The following DIS3L2 variants were observed in gnomAD, a reference collection of about 807,000 sequenced individuals.
The protein encoded by DIS3L2 is DIS3 like 3'-5' exoribonuclease 2, also known as DIS3-like exonuclease 2.
Under a neutral mutation model 97.5 loss-of-function variants are expected in DIS3L2, and 34 were observed. That is an observed-to-expected ratio of 0.35 (90% CI 0.27 to 0.46). DIS3L2 has a LOEUF of 0.46. DIS3L2 is among the 20% of genes least tolerant of loss of function. DIS3L2 has a pLI of 1.00. For synonymous variants in DIS3L2, 435 were observed against 445.2 expected (o/e 0.98, Z 0.29); for missense variants, 1,038 against 1,146.0 (o/e 0.91, Z 1.36).
chr2:231,975,699 C>T (rs191769523), intron 1 of DIS3L2, among the ~76,000 whole-genome samples: 222 of 110,968 alleles, frequency 2.0e-3, no homozygotes, highest in African/African-American at 7.5e-3. Context: ...AGCGAGACTC[C>T]GCCTCAAAAA....
chr2:232,333,757 G>GT, intron 16 of DIS3L2, 83 bp from the exon 17 acceptor site: 37 of 1,393,466 alleles, frequency 2.7e-5, no homozygotes, highest in Admixed American at 1.9e-4. Context: ...GCTGCCGACG[G>GT]TGAGGCTGTG....
intron 5 of DIS3L2, among the ~76,000 whole-genome samples, chr2:232,083,078 G>T (rs528358463): frequency 6.8e-6 from 1 of 146,244 alleles, no homozygotes; most frequent in Non-Finnish European, 1.5e-5. Context: ...ACCCCCCCAT[G>T]ATTCAATTAC....
intron 9 of DIS3L2, among the ~76,000 whole-genome samples, chr2:232,185,643 T>C (rs995881511): frequency 6.6e-6 from 1 of 152,146 alleles, no homozygotes; most frequent in African/African-American, 2.4e-5. Flanking sequence ...GAGACCTGCC[T>C]GACCAACATG....
chr2:231,961,978 C>T (rs1692570125), intron 1 of DIS3L2, among the ~76,000 whole-genome samples: 1 of 152,252 alleles, frequency 6.6e-6, no homozygotes, highest in Admixed American at 6.5e-5. Context: ...GCTCCCCACT[C>T]TCCGCTCCTG....
intron 14 of DIS3L2, 28 bp from the exon 15 acceptor site, chr2:232,329,785 T>TCCCGGGGGGGGGGCCCCCCCC: frequency 3.1e-6 from 3 of 967,144 alleles, no homozygotes; most frequent in Admixed American, 3.4e-5. Context: ...ACCCCAGCGG[T>TCCCGGGGGGGGGGCCCCCCCC]CCCTCCCATC....
In DIS3L2 at chr2:232,201,213, C is replaced by G. The variant is rs113639290; in HGVS notation, c.1125-9113C>G. Among the ~76,000 whole-genome samples the G allele has an allele frequency of 5.9e-3, 902 of 152,344 alleles. 12 individuals are homozygous for G. Among genetic ancestry groups the G allele is most frequent in the Non-Finnish European group, 6.1e-3 (416 of 68,028 alleles). ...TAGCACCTTAACCAAGTAATCCAAC[C>G]TGGCAGCCTAACATTTTGTGCCTTC... On this transcript the variant is annotated intron_variant, in intron 9 of 20. Transcript: ENST00000325385.
chr2:232,062,628 C>T (rs1016973513), intron 5 of DIS3L2, among the ~76,000 whole-genome samples: 3 of 152,126 alleles, frequency 2.0e-5, no homozygotes, highest in Non-Finnish European at 4.4e-5. Flanking sequence ...CTGTAACTTT[C>T]TCTTTGCTAT....
At chr2:231,991,901 G>A (rs748544539) in intron 1 of DIS3L2, among the ~76,000 whole-genome samples, 4 of 152,102 alleles carry the variant, frequency 2.6e-5, no homozygotes, top group African/African-American at 7.2e-5. Flanking sequence ...CAGGAACTGG[G>A]GATACAGTGA....
chr2:232,255,179 G>A (rs1464077756), intron 12 of DIS3L2, among the ~76,000 whole-genome samples: 1 of 152,214 alleles, frequency 6.6e-6, no homozygotes, highest in African/African-American at 2.4e-5. Context: ...GAAGGCCAAC[G>A]GGCAAGGGGT....
intron 6 of DIS3L2, among the ~76,000 whole-genome samples, chr2:232,123,804 G>T (rs1010404749): frequency 1.3e-5 from 2 of 152,174 alleles, no homozygotes; most frequent in African/African-American, 4.8e-5. Flanking sequence ...ATAAGGTCCA[G>T]ACTCTTTATA....
At chr2:232,100,912 C>T (rs1697184423) in intron 6 of DIS3L2, among the ~76,000 whole-genome samples, 2 of 151,546 alleles carry the variant, frequency 1.3e-5, no homozygotes, top group Admixed American at 1.3e-4. Context: ...TGTACTTTAT[C>T]TGTCAGTTTC....
chr2:232,154,724 G>T (rs1181254782), intron 8 of DIS3L2, among the ~76,000 whole-genome samples: 1 of 149,582 alleles, frequency 6.7e-6, no homozygotes. Flanking sequence ...GCTGTGGTGG[G>T]CTGCACCCAG....
At chr2:231,980,041 A>G (rs918086341) in intron 1 of DIS3L2, among the ~76,000 whole-genome samples, 1 of 152,254 alleles carries the variant, frequency 6.6e-6, no homozygotes, top group East Asian at 1.9e-4. Context: ...GTCTTTGCCA[A>G]TTTCCAGTTG....
chr2:232,017,207 C>T (rs183686837), intron 3 of DIS3L2, among the ~76,000 whole-genome samples: 6 of 152,206 alleles, frequency 3.9e-5, no homozygotes, highest in Non-Finnish European at 1.5e-5. Context: ...GTGCCTCAGC[C>T]TCCCAAGTAG....
intron 11 of DIS3L2, among the ~76,000 whole-genome samples, chr2:232,240,068 C>T (rs1693039331): frequency 6.6e-6 from 1 of 152,222 alleles, no homozygotes; most frequent in South Asian, 2.1e-4. Context: ...GCTCCTGCTA[C>T]AAAGGGAGCT....
At chr2:232,111,341 A>G (rs565807570) in intron 6 of DIS3L2, 24 of 455,220 alleles carry the variant, frequency 5.3e-5, no homozygotes, top group Non-Finnish European at 1.0e-4. Context: ...AGAGCACATC[A>G]TGGACATTGT....
chr2:232,048,957 A>T (rs1028440772), intron 5 of DIS3L2, among the ~76,000 whole-genome samples: 1 of 152,210 alleles, frequency 6.6e-6, no homozygotes, highest in Non-Finnish European at 1.5e-5. Flanking sequence ...CATATTATAT[A>T]CACACATATA....
intron 13 of DIS3L2, among the ~76,000 whole-genome samples, chr2:232,282,147 A>T (rs1030133060): frequency 1.3e-5 from 2 of 150,732 alleles, no homozygotes; most frequent in African/African-American, 4.9e-5. Flanking sequence ...TTATTTAAAA[A>T]AAAAAAAAAA....
At chr2:232,289,696 C>T (rs1161692624) in intron 13 of DIS3L2, among the ~76,000 whole-genome samples, 1 of 152,248 alleles carries the variant, frequency 6.6e-6, no homozygotes, top group East Asian at 1.9e-4. Flanking sequence ...ACACACATAA[C>T]TATCCTCTAT....
Sources: allele counts gnomAD v4.1 joint callset (sites outside exome capture counted in the v4.1 genomes callset), GRCh38; gene constraint gnomAD v4.1.1; transcripts MANE v1.5; gene names NCBI Gene and HGNC (gene_info 2026-07-23, HGNC 2026-07-21).